CECR2: variants seen among roughly 807,000 people sequenced by gnomAD.
CECR2 encodes the protein CECR2 histone acetyl-lysine reader.
CECR2 carries 30 observed loss-of-function variants against 154.5 expected under a neutral mutation model. The ratio of observed to expected loss-of-function variants is 0.19; its 90% CI spans 0.15 to 0.26. CECR2 has a LOEUF of 0.26. Among genes scored for constraint, CECR2 ranks in the 10% least tolerant of loss-of-function variants. The pLI, the probability that CECR2 is intolerant of heterozygous loss-of-function variation, is 1.00. For synonymous variants in CECR2, 725 were observed against 683.7 expected (o/e 1.06, Z -0.94); for missense variants, 1,743 against 1,829.3 (o/e 0.95, Z 0.86).
At chr22:17,546,052 CTT>C (rs1295780240) in intron 16 of CECR2, among the ~76,000 whole-genome samples, 2 of 150,764 alleles carry the variant, frequency 1.3e-5, no homozygotes, top group Non-Finnish European at 3.0e-5. Context: ...AACTCCGACT[CTT>C]TTAAAAAAAG....
At chr22:17,404,246 G>A (rs1329936167) in intron 1 of CECR2, among the ~76,000 whole-genome samples, 3 of 133,912 alleles carry the variant, frequency 2.2e-5, no homozygotes, top group African/African-American at 2.8e-5. Context: ...ATGACAGTGC[G>A]AGACTCTGTC....
chr22:17,439,314 A>G (rs1188304201), intron 1 of CECR2, among the ~76,000 whole-genome samples: 1 of 152,186 alleles, frequency 6.6e-6, no homozygotes, highest in East Asian at 1.9e-4. Flanking sequence ...TGGGCAAGGA[A>G]GGCTGTGTTT....
chr22:17,487,301 G>A (rs1442446280), intron 2 of CECR2, among the ~76,000 whole-genome samples: 1 of 152,282 alleles, frequency 6.6e-6, no homozygotes, highest in East Asian at 1.9e-4. Flanking sequence ...CTGGCAAATT[G>A]AGCACTGGGT....
chr22:17,551,759 C>G (rs2056711423), intron 17 of CECR2, among the ~76,000 whole-genome samples: 1 of 151,852 alleles, frequency 6.6e-6, no homozygotes, highest in Admixed American at 6.6e-5. Flanking sequence ...GATCCTGCCA[C>G]TACATTCTAA....
intron 1 of CECR2, among the ~76,000 whole-genome samples, chr22:17,422,982 C>G (rs188127168): frequency 5.5e-4 from 84 of 152,270 alleles, no homozygotes; most frequent in Non-Finnish European, 6.6e-4. Flanking sequence ...CCTCATAATT[C>G]CACTTCCCTG....
Position 17,554,059 on chromosome 22 carries a change from C to G in CECR2, c.*1219C>G, listed in dbSNP as rs1412287490. 2 of 152,122 alleles carry G rather than the reference C, an allele frequency of 1.3e-5. No homozygotes were observed. The highest frequency in any genetic ancestry group is 2.9e-5 in the Non-Finnish European group (2 of 67,994). The allele number at this position is 152,122 out of a possible 1,614,324, so 9.4% of individuals were successfully genotyped here. A position where few individuals can be genotyped will look rare whatever the true frequency, so the allele number is the denominator to read the frequency against. On this transcript the variant is annotated 3_prime_UTR_variant, in exon 19 of 19. Transcript: ENST00000262608. ...AGTCATGGTGATTTAAAATAGCTATCAAGAACAAGTTCTTGGAATTATCTG... is the reference window on the plus strand; with the variant it reads ...AGTCATGGTGATTTAAAATAGCTATGAAGAACAAGTTCTTGGAATTATCTG...
intron 1 of CECR2, among the ~76,000 whole-genome samples, chr22:17,469,178 A>G (rs1463403941): frequency 6.6e-6 from 1 of 152,002 alleles, no homozygotes; most frequent in Admixed American, 6.6e-5. Flanking sequence ...TGGACCTGTG[A>G]TAGTGGGAAG....
rs2054191934 is a variant in CECR2 at position 17,418,731 on chromosome 22, A to G, written c.126+48822A>G. 2.8e-5 allele frequency: 14 copies of G among 497,824 alleles called. No individual in the cohort carries two copies. In the South Asian group the frequency reaches 7.1e-4, roughly 25 times the overall value. 30.8% of individuals were successfully genotyped at this position (497,824 alleles called of 1,614,324 possible). ...GCGATGGATTTGGGCAAAGACCCCA[A>G]TGGACCCATCCATTCCTCGACTCTG... On this transcript the variant is annotated intron_variant, in intron 1 of 18. Transcript: ENST00000262608.
At chr22:17,540,964 A>C (rs986835065) in intron 14 of CECR2, among the ~76,000 whole-genome samples, 164 bp downstream of exon 14, 1 of 152,136 alleles carries the variant, frequency 6.6e-6, no homozygotes, top group Admixed American at 6.5e-5. Flanking sequence ...TTTACTTTTT[A>C]GTAGAGACAC....
At position 17,553,571 on chromosome 22, in the gene CECR2, TGA is replaced by T. The variant is rs2056740867; in HGVS notation, c.*738_*739del. 6.6e-6 allele frequency: 1 copy of T among 152,292 alleles called. No homozygotes were observed. The highest frequency in any genetic ancestry group is 1.5e-5 in the Non-Finnish European group (1 of 68,078). 9.4% of individuals were successfully genotyped at this position (152,292 alleles called of 1,614,324 possible). On this transcript the variant is annotated 3_prime_UTR_variant, in exon 19 of 19. Transcript: ENST00000262608. ...AGGCCTTCCTTCCTTCCAGTCAGCCTGAGAGAGAACACCTGTCCCCTAAGCAC... is the reference window on the plus strand; with the variant it reads ...AGGCCTTCCTTCCTTCCAGTCAGCCTGAGAGAACACCTGTCCCCTAAGCAC...
intron 2 of CECR2, among the ~76,000 whole-genome samples, chr22:17,493,397 C>G (rs1182133042): frequency 1.3e-5 from 2 of 152,132 alleles, no homozygotes; most frequent in Non-Finnish European, 2.9e-5. Flanking sequence ...AGATGAAGAA[C>G]CAGTAAGTCA....
intron 8 of CECR2, among the ~76,000 whole-genome samples, chr22:17,513,377 T>G (rs2055994664): frequency 6.6e-6 from 1 of 152,214 alleles, no homozygotes; most frequent in Non-Finnish European, 1.5e-5. Flanking sequence ...TACGGAGCCT[T>G]CCTTTTGCCT....
chr22:17,516,275 TTATTA>T (rs57522979), intron 8 of CECR2, among the ~76,000 whole-genome samples: 3,983 of 142,658 alleles, frequency 0.028, 187 homozygotes, highest in African/African-American at 0.093. Flanking sequence ...ATATACACAT[TTATTA>T]TATTATATGT....
intron 1 of CECR2, among the ~76,000 whole-genome samples, chr22:17,375,816 A>G (rs574643182): frequency 4.6e-5 from 7 of 152,112 alleles, no homozygotes; most frequent in African/African-American, 1.2e-4. Flanking sequence ...TTAGCCAGGT[A>G]TGGTGGTGCA....
At chr22:17,431,872 G>A (rs898079899) in intron 1 of CECR2, among the ~76,000 whole-genome samples, 10 of 152,120 alleles carry the variant, frequency 6.6e-5, no homozygotes, top group Non-Finnish European at 1.2e-4. Flanking sequence ...TTTAGAGTGC[G>A]CAGCCATGAC....
chr22:17,368,240 C>T (rs1264522143), upstream of CECR2, among the ~76,000 whole-genome samples: 1 of 152,150 alleles, frequency 6.6e-6, no homozygotes, highest in African/African-American at 2.4e-5. Context: ...TATAAATTAT[C>T]TCCAGATTGT....
chr22:17,490,199 ATCTC>A (rs1397840794), intron 2 of CECR2, among the ~76,000 whole-genome samples: 1 of 150,994 alleles, frequency 6.6e-6, no homozygotes, highest in East Asian at 1.9e-4. Flanking sequence ...CAGTATTAAA[ATCTC>A]TCTGATTGTG....
At chr22:17,508,568 A>G (rs1411888740) in intron 7 of CECR2, among the ~76,000 whole-genome samples, 1 of 151,978 alleles carries the variant, frequency 6.6e-6, no homozygotes, top group African/African-American at 2.4e-5. Context: ...AGGGTTGTAT[A>G]TAGTAGACTA....
At chr22:17,477,744 G>GATGTTTC in intron 2 of CECR2, 62 bp downstream of exon 2, 1 of 1,168,896 alleles carries the variant, frequency 8.6e-7, no homozygotes. Context: ...CAACCATAGT[G>GATGTTTC]ATGTTTCCTG....
Sources: gnomAD v4.1 joint callset for allele counts (sites outside exome capture counted in the v4.1 genomes callset) on GRCh38, gnomAD v4.1.1 for gene constraint, MANE v1.5 for transcripts, NCBI Gene and HGNC (gene_info 2026-07-23, HGNC 2026-07-21) for gene names.